The following ARHGAP28 variants were observed in gnomAD, a reference collection of about 807,000 sequenced individuals.
ARHGAP28 encodes the protein rho GTPase-activating protein 28.
ARHGAP28 carries 56 observed loss-of-function variants against 90.7 expected under a neutral mutation model. The observed-to-expected ratio is 0.62, with a 90% CI of 0.50 to 0.77. ARHGAP28 has a LOEUF of 0.77. ARHGAP28 is among the 30% of genes least tolerant of loss of function. The pLI, the probability that ARHGAP28 is intolerant of heterozygous loss-of-function variation, is 0.00. For synonymous variants in ARHGAP28, 308 were observed against 323.3 expected, an observed-to-expected ratio of 0.95 and a Z score of 0.51; for missense variants, 869 against 900.9, an observed-to-expected ratio of 0.96 and a Z score of 0.45.
chr18:6,836,930 G>T (rs1409888145), intron 2 of ARHGAP28, among the ~76,000 whole-genome samples: 1 of 152,002 alleles, frequency 6.6e-6, no homozygotes. Flanking sequence ...AAATTAGTAG[G>T]ACAGATATGG....
chr18:6,869,250 A>ATTTTTTTTTTTTTTTTTTTTT lies in ARHGAP28; in HGVS notation c.811+1018_811+1019insTTTTTTTTTTTTTTTTTTTTT. 1.9e-5 allele frequency among the ~76,000 whole-genome samples: 2 copies of ATTTTTTTTTTTTTTTTTTTTT among 103,812 alleles called. 1 individual carries two copies. The highest frequency in any genetic ancestry group is 4.0e-5 in the Non-Finnish European group (2 of 50,098). 68.1% of individuals were successfully genotyped at this position (103,812 alleles called of 152,430 possible). A position where few individuals can be genotyped will look rare whatever the true frequency, so the allele number is the denominator to read the frequency against. ...GGAGCATCATAGCTCTCCTTTTGCC[A>ATTTTTTTTTTTTTTTTTTTTT]TTCTTTTTTTTTTTTTTTTTTTTTT... On this transcript the variant is annotated intron_variant, in intron 6 of 17. Coordinates refer to ENST00000383472, the MANE Select transcript of ARHGAP28 (RefSeq NM_001366230.1).
intron 4 of ARHGAP28, among the ~76,000 whole-genome samples, chr18:6,858,954 C>T (rs2056975749): frequency 1.3e-5 from 2 of 151,580 alleles, no homozygotes; most frequent in South Asian, 4.1e-4. Context: ...AAGCAAAATA[C>T]ATTCAATCAA....
intron 5 of ARHGAP28, among the ~76,000 whole-genome samples, chr18:6,861,391 G>A (rs911741527): frequency 9.2e-5 from 14 of 152,180 alleles, no homozygotes; most frequent in African/African-American, 3.1e-4. Context: ...GTGATCTCCA[G>A]ACTTTAGCTT....
intron 1 of ARHGAP28, among the ~76,000 whole-genome samples, chr18:6,768,624 CAT>C (rs1437140183): frequency 1.2e-4 from 18 of 152,140 alleles, no homozygotes; most frequent in Admixed American, 1.1e-3. Flanking sequence ...TGACGCTGCA[CAT>C]GAGTGACTTA....
chr18:6,742,307 C>T (rs189634221), intron 1 of ARHGAP28, among the ~76,000 whole-genome samples: 29 of 151,974 alleles, frequency 1.9e-4, no homozygotes, highest in African/African-American at 6.5e-4. Context: ...ACTGGGATTG[C>T]AGGCACCCAC....
intron 4 of ARHGAP28, among the ~76,000 whole-genome samples, chr18:6,859,092 C>CAAA (rs11463047): frequency 6.6e-6 from 1 of 151,212 alleles, no homozygotes; most frequent in African/African-American, 2.4e-5. Context: ...ACAACAACAA[C>CAAA]AACAAAAAAC....
intron 1 of ARHGAP28, among the ~76,000 whole-genome samples, chr18:6,733,833 C>CA (rs1221929619): frequency 1.1e-4 from 17 of 151,642 alleles, no homozygotes; most frequent in East Asian, 3.9e-4. Flanking sequence ...ATTACAACAA[C>CA]AACAAAAAAA....
chr18:6,749,307 A>G (rs552602602), intron 1 of ARHGAP28, among the ~76,000 whole-genome samples: 1 of 152,204 alleles, frequency 6.6e-6, no homozygotes, highest in African/African-American at 2.4e-5. Context: ...GCCAGATATT[A>G]CTCTCTCTCC....
At chr18:6,903,745 C>T (rs1289078212) in intron 16 of ARHGAP28, among the ~76,000 whole-genome samples, 2 of 143,284 alleles carry the variant, frequency 1.4e-5, no homozygotes, top group Non-Finnish European at 3.0e-5. Flanking sequence ...CAGAGAACTG[C>T]TTGAACCCGG....
chr18:6,906,572 T>C (rs1212791368), intron 16 of ARHGAP28, among the ~76,000 whole-genome samples: 6 of 152,170 alleles, frequency 3.9e-5, no homozygotes, highest in East Asian at 1.9e-4. Context: ...TGGACATCCA[T>C]AGGCAAAAAA....
chr18:6,893,151 A>G (rs2057279059), intron 14 of ARHGAP28, among the ~76,000 whole-genome samples: 1 of 152,174 alleles, frequency 6.6e-6, no homozygotes, highest in Non-Finnish European at 1.5e-5. Context: ...TTTTGACATT[A>G]CACCCCTCTA....
chr18:6,839,336 C>A (rs1394208000), intron 3 of ARHGAP28, among the ~76,000 whole-genome samples: 1 of 150,722 alleles, frequency 6.6e-6, no homozygotes, highest in Non-Finnish European at 1.5e-5. Context: ...CTCTGTCGCC[C>A]AGGCTGGAGT....
At chr18:6,823,563 C>T (rs1274864709) in intron 1 of ARHGAP28, among the ~76,000 whole-genome samples, 1 of 151,138 alleles carries the variant, frequency 6.6e-6, no homozygotes, top group African/African-American at 2.4e-5. Flanking sequence ...TGAGTATATA[C>T]CCAGAAGTGG....
At chr18:6,912,011 A>G (rs1567992175) in intron 17 of ARHGAP28, 49 bp from the exon 18 acceptor site, 2 of 1,225,834 alleles carry the variant, frequency 1.6e-6, no homozygotes, top group Non-Finnish European at 1.2e-6. Flanking sequence ...GTGCGCACGC[A>G]CACACACACA....
In ARHGAP28 at chr18:6,915,233, A is replaced by G. The variant is rs964596205; in HGVS notation, c.*3079A>G. The G allele has an allele frequency of 6.6e-6, 1 of 152,206 alleles. No individual in the cohort carries two copies. The highest frequency in any genetic ancestry group is 2.4e-5 in the African/African-American group (1 of 41,448). The allele number at this position is 152,206 out of a possible 1,614,324, so 9.4% of individuals were successfully genotyped here. On this transcript the variant is annotated 3_prime_UTR_variant, in exon 18 of 18. Transcript: ENST00000383472. ...ATGCAAGCGTTCAGGAGTAGGAATT[A>G]ATGTCCATCTTTTCTTTCAGGCATT...
In ARHGAP28 at chr18:6,729,913, C is replaced by T. The variant is rs1313645176; in HGVS notation, c.92C>T (p.Pro31Leu). 28 of 1,409,860 alleles carry T rather than the reference C, an allele frequency of 2.0e-5. No individual in the cohort carries two copies. Among genetic ancestry groups the T allele is most frequent in the Non-Finnish European group, 2.5e-5 (27 of 1,084,022 alleles). The allele number at this position is 1,409,860 out of a possible 1,614,324, so 87.3% of individuals were successfully genotyped here. A position where few individuals can be genotyped will look rare whatever the true frequency, so the allele number is the denominator to read the frequency against. Reference protein sequence around the residue: ...QPPNAESRCAPRAAASHPLSR... With the variant: ...QPPNAESRCALRAAASHPLSR... ...CCCAACGCCGAGTCGCGCTGCGCGCCCCGCGCCGCAGCCAGCCACCCGCTC... is the reference window on the plus strand; with the variant it reads ...CCCAACGCCGAGTCGCGCTGCGCGCTCCGCGCCGCAGCCAGCCACCCGCTC... The change falls in exon 1 of 18, where the codon CCC becomes CTC. Residue 31 changes from proline (P) to leucine (L), a missense_variant. Physicochemically the swap from Pro to Leu is moderately conservative, Grantham distance 98. Coordinates refer to ENST00000383472, the MANE Select transcript of ARHGAP28 (RefSeq NM_001366230.1).
At chr18:6,796,041 A>G (rs913653315) in intron 1 of ARHGAP28, among the ~76,000 whole-genome samples, 4 of 152,220 alleles carry the variant, frequency 2.6e-5, no homozygotes, top group African/African-American at 9.7e-5. Flanking sequence ...TGGCCAATGG[A>G]TGAATGAATG....
In ARHGAP28 at chr18:6,821,699, C is replaced by A. The variant is rs186122330; in HGVS notation, c.123-3063C>A. 1.8e-3 allele frequency among the ~76,000 whole-genome samples: 279 copies of A among 152,266 alleles called. 2 individuals carry two copies. The highest frequency in any genetic ancestry group is 6.4e-3 in the African/African-American group (265 of 41,570). ...AGCTGATCATTGTGATTAAAGGATT[C>A]TTTGGGTGGACTGTTTCAGAAGGAA... is the stretch of plus-strand genomic sequence containing the variant. On this transcript the variant is annotated intron_variant, in intron 1 of 17. Transcript: ENST00000383472.
chr18:6,752,628 A>C (rs935809230), intron 1 of ARHGAP28, among the ~76,000 whole-genome samples: 3 of 152,194 alleles, frequency 2.0e-5, no homozygotes, highest in African/African-American at 7.2e-5. Context: ...CAGCCTCTGC[A>C]TGAGAAAGAC....
Sources: gnomAD v4.1 joint callset for allele counts (sites outside exome capture counted in the v4.1 genomes callset) on GRCh38, gnomAD v4.1.1 for gene constraint, MANE v1.5 for transcripts, NCBI Gene and HGNC (gene_info 2026-07-23, HGNC 2026-07-21) for gene names.